The following JARID2 variants were observed in gnomAD, a reference collection of about 807,000 sequenced individuals.
JARID2 encodes protein Jumonji.
A neutral mutation model predicts 125.6 loss-of-function variants in JARID2; 21 were observed. That is an observed-to-expected ratio of 0.17 (90% CI 0.12 to 0.24). The LOEUF (loss-of-function observed/expected upper bound fraction) is 0.24. Ranked by LOEUF, JARID2 falls within the 10% of genes least tolerant of loss-of-function variation. The probability of loss-of-function intolerance (pLI) is 1.00; values close to 1 mark genes in which losing one functional copy is unlikely to be tolerated. For synonymous variants in JARID2, 736 were observed against 661.6 expected (o/e 1.11, Z -1.73); for missense variants, 1,303 against 1,639.6 (o/e 0.79, Z 3.55).
chr6:15,424,133 CTTT>C (rs66481311), intron 3 of JARID2, among the ~76,000 whole-genome samples: 1 of 141,166 alleles, frequency 7.1e-6, no homozygotes. Flanking sequence ...CTGGCTGCCT[CTTT>C]TTTTTTTTTT....
chr6:15,319,401 CTT>C (rs749933794), intron 1 of JARID2, among the ~76,000 whole-genome samples: 47 of 151,714 alleles, frequency 3.1e-4, no homozygotes, highest in Non-Finnish European at 5.4e-4. Flanking sequence ...TTGCTTTTTT[CTT>C]TTTTTTGGAG....
chr6:15,364,095 T>A (rs1385320174), intron 1 of JARID2, among the ~76,000 whole-genome samples: 1 of 152,182 alleles, frequency 6.6e-6, no homozygotes, highest in African/African-American at 2.4e-5. Context: ...TACTTCTGTT[T>A]ATTTCCTTGC....
At chr6:15,474,906 G>A (rs1012204616) in intron 5 of JARID2, among the ~76,000 whole-genome samples, 1 of 152,296 alleles carries the variant, frequency 6.6e-6, no homozygotes, top group African/African-American at 2.4e-5. Context: ...TAGGAAAACT[G>A]GTGTACTGTT....
intron 14 of JARID2, 23 bp from the exon 15 acceptor site, chr6:15,512,892 A>C: frequency 6.2e-7 from 1 of 1,612,632 alleles, no homozygotes; most frequent in Non-Finnish European, 8.5e-7. Context: ...ATCCACCCTA[A>C]AGGGATGTGA....
intron 1 of JARID2, among the ~76,000 whole-genome samples, chr6:15,370,325 G>C (rs1764117703): frequency 8.0e-6 from 1 of 125,026 alleles, no homozygotes; most frequent in Non-Finnish European, 1.6e-5. Context: ...AGTTGTATCT[G>C]GGCTGTTTTT....
In JARID2 at chr6:15,496,871, C is replaced by T; in HGVS notation, c.1646C>T (p.Ala549Val). ...AAGGCCGAGAAGGGCGGCGGCAAGG[C>T]CGGGTGGGCGGCCATGGACGAGATC... ...SGKAEKGGGK[A>V]GWAAMDEIPV... The change falls in exon 7 of 18, where the codon GCC becomes GTC. Residue 549 changes from alanine to valine, a missense_variant. By Grantham distance (64) the Ala-to-Val change is moderately conservative. Coordinates refer to ENST00000341776, the MANE Select transcript of JARID2 (RefSeq NM_004973.4). The T allele has an allele frequency of 1.2e-6, 2 of 1,600,876 alleles. No homozygotes were observed. The highest frequency in any genetic ancestry group is 1.7e-6 in the Non-Finnish European group (2 of 1,171,388).
chr6:15,355,494 T>C (rs1270830242), intron 1 of JARID2, among the ~76,000 whole-genome samples: 2 of 152,226 alleles, frequency 1.3e-5, no homozygotes, highest in African/African-American at 2.4e-5. Flanking sequence ...AATTTGATTT[T>C]AGGTTAGTTG....
In JARID2 at chr6:15,469,418, CTCCGCTTT is replaced by C. The variant is rs1311840587; in HGVS notation, c.670+704_670+711del. Among the ~76,000 whole-genome samples, 90 of 110,588 alleles carry C rather than the reference CTCCGCTTT, an allele frequency of 8.1e-4. 1 individual carries two copies. Among genetic ancestry groups the C allele is most frequent in the African/African-American group, 3.1e-3 (87 of 28,298 alleles). The allele number at this position is 110,588 out of a possible 152,430, so 72.6% of individuals were successfully genotyped here. A position where few individuals can be genotyped will look rare whatever the true frequency, so the allele number is the denominator to read the frequency against. ...TTTCCCCCTCTCCCCCTCTCCGCTT[CTCCGCTTT>C]TCCTTTCTTTCCTTTCTTTCTTTTG... On this transcript the variant is annotated intron_variant, in intron 5 of 17. Coordinates refer to ENST00000341776, the MANE Select transcript of JARID2 (RefSeq NM_004973.4).
At chr6:15,276,264 A>G (rs1403947492) in intron 1 of JARID2, among the ~76,000 whole-genome samples, 4 of 152,218 alleles carry the variant, frequency 2.6e-5, no homozygotes, top group African/African-American at 9.6e-5. Context: ...GCTGACTTGC[A>G]GAAAAACCAG....
rs1345308156 is a variant in JARID2, at chr6:15,492,346, T to A, written c.907-3786T>A. On this transcript the variant is annotated intron_variant, in intron 6 of 17. Coordinates refer to ENST00000341776, the MANE Select transcript of JARID2 (RefSeq NM_004973.4). Reference sequence around the variant, plus strand: ...TTCAGTGAGTTCAGATGACTTCCTGTGTGTGCTCTTCTGTGGAATCCCTCA... The same window carrying A: ...TTCAGTGAGTTCAGATGACTTCCTGAGTGTGCTCTTCTGTGGAATCCCTCA... Among the ~76,000 whole-genome samples, 21 of 152,336 alleles carry A rather than the reference T, an allele frequency of 1.4e-4. No individual in the cohort carries two copies. In the East Asian group the frequency reaches 4.1e-3, roughly 29 times the overall value.
intron 1 of JARID2, among the ~76,000 whole-genome samples, chr6:15,265,279 G>T (rs554647389): frequency 6.6e-6 from 1 of 152,070 alleles, no homozygotes; most frequent in East Asian, 1.9e-4. Context: ...GGGCTGTGCT[G>T]TGGGACTTGA....
chr6:15,250,135 C>A (rs1317096289), intron 1 of JARID2, among the ~76,000 whole-genome samples: 1 of 152,122 alleles, frequency 6.6e-6, no homozygotes, highest in African/African-American at 2.4e-5. Flanking sequence ...TAGGACAGCT[C>A]AAGCAGAATT....
intron 3 of JARID2, among the ~76,000 whole-genome samples, chr6:15,416,301 G>A (rs1272042349): frequency 6.6e-6 from 1 of 152,196 alleles, no homozygotes; most frequent in Non-Finnish European, 1.5e-5. Context: ...CCGGGCAGAG[G>A]CTGCAATCTC....
intron 1 of JARID2, among the ~76,000 whole-genome samples, chr6:15,261,784 A>AT (rs58582193): frequency 0.21 from 28,064 of 134,804 alleles, 3,203 homozygotes; most frequent in South Asian, 0.37. Context: ...AAATTCAGGG[A>AT]TTTTTTTTTT....
intron 3 of JARID2, among the ~76,000 whole-genome samples, chr6:15,437,802 C>CAAA (rs397961920): frequency 5.8e-5 from 8 of 138,684 alleles, no homozygotes; most frequent in African/African-American, 2.1e-4. Flanking sequence ...GACTCTGTCT[C>CAAA]AAAAAAAAAA....
chr6:15,497,213 GC>G, intron 7 of JARID2, 43 bp downstream of exon 7: 4 of 1,412,468 alleles, frequency 2.8e-6, no homozygotes, highest in Non-Finnish European at 3.9e-6. Context: ...CTGCCCTCCT[GC>G]CCCCAGATCC....
chr6:15,315,623 T>G (rs141316001), intron 1 of JARID2, among the ~76,000 whole-genome samples: 23 of 152,332 alleles, frequency 1.5e-4, no homozygotes, highest in African/African-American at 5.1e-4. Context: ...AAAAGTGAGA[T>G]ATCTTCATCT....
intron 1 of JARID2, among the ~76,000 whole-genome samples, chr6:15,254,383 A>AG (rs975623530): frequency 2.0e-5 from 3 of 152,182 alleles, no homozygotes; most frequent in African/African-American, 7.2e-5. Flanking sequence ...TTTGAGGCTT[A>AG]GGGGACCATG....
chr6:15,312,531 T>A (rs950452212), intron 1 of JARID2, among the ~76,000 whole-genome samples: 12 of 152,224 alleles, frequency 7.9e-5, no homozygotes, highest in Admixed American at 2.6e-4. Flanking sequence ...TGTGCCCCCA[T>A]GCCAGCGCCG....
Sources: allele counts gnomAD v4.1 joint callset (sites outside exome capture counted in the v4.1 genomes callset), GRCh38; gene constraint gnomAD v4.1.1; transcripts MANE v1.5; gene names NCBI Gene and HGNC (gene_info 2026-07-23, HGNC 2026-07-21).